C1orf105: variants seen among roughly 807,000 people sequenced by gnomAD.
The protein encoded by C1orf105 is chromosome 1 open reading frame 105, also known as uncharacterized protein C1orf105.
In C1orf105, 17 loss-of-function variants were observed where a neutral mutation model predicts 20.8. The ratio of observed to expected loss-of-function variants is 0.82; its 90% CI spans 0.56 to 1.23. C1orf105 has a LOEUF of 1.23. Among genes scored for constraint, C1orf105 ranks in the 50% most tolerant of loss-of-function variants. C1orf105 has a pLI of 0.00. For missense variants in C1orf105, 219 were observed against 213.5 expected, an observed-to-expected ratio of 1.03 and a Z score of -0.16; for synonymous variants, 72 against 72.1, an observed-to-expected ratio of 1.00 and a Z score of 0.01.
intron 1 of C1orf105, among the ~76,000 whole-genome samples, chr1:172,438,371 G>A (rs1455401869): frequency 6.6e-6 from 1 of 152,230 alleles, no homozygotes; most frequent in Non-Finnish European, 1.5e-5. Flanking sequence ...ATTAATAGGA[G>A]TTTGGAAGAT....
At chr1:172,462,038 C>T in intron 4 of C1orf105, 140 bp from the exon 5 acceptor site, 1 of 654,838 alleles carries the variant, frequency 1.5e-6, no homozygotes, top group South Asian at 1.8e-5. Flanking sequence ...AGGGTGAAAC[C>T]CTCTGGTCAT....
rs138253078 is a variant in C1orf105 at position 172,448,567 on chromosome 1, C to A, written c.198+36C>A. 136 of 1,229,984 alleles carry A rather than the reference C, an allele frequency of 1.1e-4. 3 individuals are homozygous for A. In the Middle Eastern group the frequency reaches 3.2e-3, roughly 29 times the overall value. 76.2% of individuals were successfully genotyped at this position (1,229,984 alleles called of 1,614,324 possible). Reference sequence around the variant, plus strand: ...ATTTTTGTTGAAATGAAACCAACAGCAGTTCTAGAATGACATAGAATATGA... The same window carrying A: ...ATTTTTGTTGAAATGAAACCAACAGAAGTTCTAGAATGACATAGAATATGA... On this transcript the variant is annotated intron_variant, in intron 3 of 6. Transcript: ENST00000367727.
chr1:172,452,390 A>C (rs1648749968), intron 3 of C1orf105, among the ~76,000 whole-genome samples: 1 of 152,174 alleles, frequency 6.6e-6, no homozygotes, highest in African/African-American at 2.4e-5. Context: ...AAAGAAACAG[A>C]GGTGTTGAAG....
intron 1 of C1orf105, among the ~76,000 whole-genome samples, chr1:172,426,734 C>A (rs147338633): frequency 7.0e-4 from 106 of 152,304 alleles, no homozygotes; most frequent in African/African-American, 2.4e-3. Flanking sequence ...TCTCTTGGAT[C>A]TCCAATCTAT....
intron 3 of C1orf105, among the ~76,000 whole-genome samples, chr1:172,450,513 C>G (rs1283813361): frequency 6.6e-6 from 1 of 152,200 alleles, no homozygotes; most frequent in Non-Finnish European, 1.5e-5. Context: ...TGTTGTGTTT[C>G]AAGGGAGTAG....
intron 3 of C1orf105, among the ~76,000 whole-genome samples, chr1:172,449,050 T>G (rs1237933719): frequency 6.6e-6 from 1 of 152,100 alleles, no homozygotes; most frequent in Non-Finnish European, 1.5e-5. Flanking sequence ...AGAGAAAATA[T>G]ATGGTGAGAT....
intron 4 of C1orf105, among the ~76,000 whole-genome samples, chr1:172,457,062 G>A (rs1250817442): frequency 6.6e-6 from 1 of 152,294 alleles, no homozygotes; most frequent in African/African-American, 2.4e-5. Context: ...AGGGAGATGT[G>A]GAGGGAACAA....
At chr1:172,455,964 GAA>G (rs1322314229) in intron 3 of C1orf105, among the ~76,000 whole-genome samples, 2 of 152,178 alleles carry the variant, frequency 1.3e-5, no homozygotes, top group Non-Finnish European at 2.9e-5. Context: ...TTGCAGAAGA[GAA>G]GTCTTCTCTT....
chr1:172,448,650 A>C, intron 3 of C1orf105, 119 bp downstream of exon 3: 1 of 612,554 alleles, frequency 1.6e-6, no homozygotes, highest in South Asian at 2.0e-5. Flanking sequence ...AATGTTCAAT[A>C]AATATTTGTT....
rs968583941 is a variant in C1orf105 at position 172,425,748 on chromosome 1, A to ACAT, written c.21+4843_21+4845dup. Among the ~76,000 whole-genome samples, 3 of 152,204 alleles carry ACAT rather than the reference A, an allele frequency of 2.0e-5. No homozygotes were observed. In the East Asian group the frequency reaches 5.8e-4, roughly 29 times the overall value. On this transcript the variant is annotated intron_variant, in intron 1 of 6. Coordinates refer to ENST00000367727, the MANE Select transcript of C1orf105 (RefSeq NM_139240.4). ...CCCCAAAAGGTCCTTGTCAAAATGCACATAACCCAGAGAACTAGCACATTA... is the reference window on the plus strand; with the variant it reads ...CCCCAAAAGGTCCTTGTCAAAATGCACATCATAACCCAGAGAACTAGCACATTA...
intron 4 of C1orf105, among the ~76,000 whole-genome samples, chr1:172,456,775 G>T (rs765163916): frequency 2.6e-5 from 4 of 152,178 alleles, no homozygotes; most frequent in Non-Finnish European, 5.9e-5. Context: ...GCCTCTCAGA[G>T]GCTTAGGGGA....
At chr1:172,458,843 G>C (rs1208765688) in intron 4 of C1orf105, among the ~76,000 whole-genome samples, 2 of 152,122 alleles carry the variant, frequency 1.3e-5, no homozygotes, top group Non-Finnish European at 2.9e-5. Context: ...CATAAAGATA[G>C]ACAAATAGAT....
At chr1:172,453,693 C>T (rs1419218930) in intron 3 of C1orf105, among the ~76,000 whole-genome samples, 11 of 152,106 alleles carry the variant, frequency 7.2e-5, no homozygotes, top group Admixed American at 6.5e-4. Flanking sequence ...TATAATAACT[C>T]TCAGCCCGGT....
intron 3 of C1orf105, chr1:172,453,134 A>G (rs1209727565): frequency 6.4e-7 from 1 of 1,550,968 alleles, no homozygotes; most frequent in Non-Finnish European, 8.7e-7. Flanking sequence ...CCTTCTCCAG[A>G]TAGAAATGGA....
intron 1 of C1orf105, among the ~76,000 whole-genome samples, chr1:172,438,888 C>T (rs2072127058): frequency 6.6e-6 from 1 of 152,192 alleles, no homozygotes; most frequent in South Asian, 2.1e-4. Context: ...AGGCAAGACC[C>T]TCATCAGCAA....
At chr1:172,439,805 A>G (rs187835383) in intron 1 of C1orf105, among the ~76,000 whole-genome samples, 1 of 152,348 alleles carries the variant, frequency 6.6e-6, no homozygotes, top group African/African-American at 2.4e-5. Flanking sequence ...ACTCTTTACT[A>G]TCTTCAACCA....
intron 1 of C1orf105, chr1:172,442,569 C>G (rs1355043894): frequency 1.2e-6 from 2 of 1,614,092 alleles, no homozygotes; most frequent in Non-Finnish European, 1.7e-6. Context: ...GTCGCTCATA[C>G]AAGACCTTCT....
intron 1 of C1orf105, among the ~76,000 whole-genome samples, chr1:172,437,891 G>A (rs1209804188): frequency 6.6e-6 from 1 of 152,096 alleles, no homozygotes; most frequent in Non-Finnish European, 1.5e-5. Context: ...CTAAAGAGGA[G>A]AAGTCAATGT....
At chr1:172,464,494 T>C (rs1450515001) in intron 5 of C1orf105, among the ~76,000 whole-genome samples, 1 of 152,220 alleles carries the variant, frequency 6.6e-6, no homozygotes, top group Non-Finnish European at 1.5e-5. Flanking sequence ...TTGGCTTATA[T>C]GCATTTTCCT....
Sources: gnomAD v4.1 joint callset for allele counts (sites outside exome capture counted in the v4.1 genomes callset) on GRCh38, gnomAD v4.1.1 for gene constraint, MANE v1.5 for transcripts, NCBI Gene and HGNC (gene_info 2026-07-23, HGNC 2026-07-21) for gene names.